The following KIAA1671 variants were observed in gnomAD, a reference collection of about 807,000 sequenced individuals.
KIAA1671 encodes KIAA1671.
A neutral mutation model predicts 131.2 loss-of-function variants in KIAA1671; 52 were observed. The observed-to-expected ratio is 0.40, with a 90% CI of 0.32 to 0.50. KIAA1671 has a LOEUF of 0.50. Ranked by LOEUF, KIAA1671 falls within the 20% of genes least tolerant of loss-of-function variation. The pLI is 0.73. For synonymous variants in KIAA1671, 1,003 were observed against 961.6 expected, an observed-to-expected ratio of 1.04 and a Z score of -0.80; for missense variants, 2,360 against 2,364.2, an observed-to-expected ratio of 1.00 and a Z score of 0.04.
At chr22:25,035,361 C>T (rs1438523740) in intron 4 of KIAA1671, among the ~76,000 whole-genome samples, 1 of 152,098 alleles carries the variant, frequency 6.6e-6, no homozygotes, top group African/African-American at 2.4e-5. Context: ...CTTCTATTTT[C>T]TTTTCTCTTG....
At chr22:25,078,200 G>A (rs937657932) in intron 6 of KIAA1671, among the ~76,000 whole-genome samples, 11 of 152,134 alleles carry the variant, frequency 7.2e-5, no homozygotes, top group Non-Finnish European at 1.5e-5. Flanking sequence ...TCAGCCCTTG[G>A]CCCAGTGCCT....
At chr22:25,151,782 G>A (rs1229598139) in intron 6 of KIAA1671, among the ~76,000 whole-genome samples, 2 of 151,690 alleles carry the variant, frequency 1.3e-5, no homozygotes, top group South Asian at 2.1e-4. Context: ...TCTGTTGCCC[G>A]GGCAGGAGTG....
intron 6 of KIAA1671, among the ~76,000 whole-genome samples, chr22:25,168,050 C>T (rs1933704131): frequency 6.6e-6 from 1 of 152,188 alleles, no homozygotes; most frequent in Non-Finnish European, 1.5e-5. Flanking sequence ...ACTCATTCTG[C>T]AGGACCACAT....
chr22:25,147,313 C>G (rs555916465), intron 6 of KIAA1671, among the ~76,000 whole-genome samples: 2 of 152,150 alleles, frequency 1.3e-5, no homozygotes, highest in Admixed American at 6.5e-5. Context: ...CTGCCTCAGC[C>G]TCCTGAGTAG....
intron 6 of KIAA1671, among the ~76,000 whole-genome samples, chr22:25,117,597 A>ACACACG (rs1555880497): frequency 1.4e-5 from 2 of 148,096 alleles, no homozygotes; most frequent in African/African-American, 5.0e-5. Context: ...ACACACACAC[A>ACACACG]CACACACACA....
Position 25,009,488 on chromosome 22 carries a change from C to T in KIAA1671, c.-207-16145C>T, listed in dbSNP as rs147943096. On this transcript the variant is annotated intron_variant, in intron 1 of 12. Transcript: ENST00000358431. ...CTATGTTGGCCAGGCTGGTCTCGAA[C>T]TCCTGACCTCAGGTGATCTTCCTGC... is the stretch of plus-strand genomic sequence containing the variant. Among the ~76,000 whole-genome samples the T allele has an allele frequency of 4.0e-3, 610 of 151,762 alleles. 4 individuals are homozygous for T. Among genetic ancestry groups the T allele is most frequent in the African/African-American group, 0.014 (570 of 41,398 alleles).
chr22:25,029,964 T>A (rs1926188279), intron 3 of KIAA1671, among the ~76,000 whole-genome samples: 1 of 152,208 alleles, frequency 6.6e-6, no homozygotes, highest in Non-Finnish European at 1.5e-5. Context: ...TAAGCCTTTA[T>A]GAGTGGCCCA....
chr22:25,067,258 C>T (rs139694881), intron 6 of KIAA1671, among the ~76,000 whole-genome samples: 154 of 151,412 alleles, frequency 1.0e-3, no homozygotes, highest in Non-Finnish European at 1.4e-3. Flanking sequence ...ACCTTGGACT[C>T]GCCGGGTCTT....
chr22:25,059,373 C>T (rs55806517), intron 6 of KIAA1671: 68,779 of 151,468 alleles, frequency 0.45, 16,968 homozygotes, highest in African/African-American at 0.66. Flanking sequence ...TCTCAGCTAC[C>T]TGGGAGGCTG....
intron 1 of KIAA1671, among the ~76,000 whole-genome samples, chr22:24,983,044 A>G (rs905209537): frequency 6.6e-6 from 1 of 152,124 alleles, no homozygotes; most frequent in African/African-American, 2.4e-5. Context: ...TGGGGGCTAC[A>G]GGGAACCCTG....
chr22:25,028,750 A>G lies in KIAA1671; in HGVS notation c.751A>G (p.Ile251Val), dbSNP rs1172802714. 1 of 1,551,268 alleles carries G rather than the reference A, an allele frequency of 6.4e-7. No individual in the cohort carries two copies. Among genetic ancestry groups the G allele is most frequent in the Non-Finnish European group, 8.7e-7 (1 of 1,147,002 alleles). ...CGTGTCTGCCATTTTCACGGAGTCC[A>G]TTCAGCCTCAGAAGCCAGGCCCCGG... ...RPVSAIFTES[I>V]QPQKPGPGAA... Residue 251 changes from isoleucine to valine, a missense_variant, in exon 3 of 13, where the codon ATT becomes GTT. Ile to Val is a conservative substitution (Grantham distance 29). This residue lies in a region of KIAA1671 where 1,185 missense variants were observed against 1,126.2 expected (regional missense o/e 1.05). Coordinates refer to ENST00000358431, the MANE Select transcript of KIAA1671 (RefSeq NM_001145206.2).
chr22:25,027,714 T>C (rs1184047780), intron 2 of KIAA1671, among the ~76,000 whole-genome samples: 2 of 152,186 alleles, frequency 1.3e-5, no homozygotes, highest in African/African-American at 2.4e-5. Context: ...ATGCCTTTTC[T>C]ACACCCTTGG....
At position 25,093,682 on chromosome 22, in the gene KIAA1671, GACACACACACACACACACACACACACAC is replaced by G. The variant is rs67802603; in HGVS notation, c.4530+44347_4530+44374del. Among the ~76,000 whole-genome samples the G allele has an allele frequency of 1.0e-3, 52 of 49,950 alleles. 2 individuals are homozygous for G. The highest frequency in any genetic ancestry group is 1.8e-3 in the Admixed American group (8 of 4,352). The allele number at this position is 49,950 out of a possible 152,430, so 32.8% of individuals were successfully genotyped here. A position where few individuals can be genotyped will look rare whatever the true frequency, so the allele number is the denominator to read the frequency against. On this transcript the variant is annotated intron_variant, in intron 6 of 12. Coordinates refer to ENST00000358431, the MANE Select transcript of KIAA1671 (RefSeq NM_001145206.2). ...GGTACCGGGATCTTCCCTGCCCCCCGACACACACACACACACACACACACACACACACACACACACACACACACACACA... is the reference window on the plus strand; with the variant it reads ...GGTACCGGGATCTTCCCTGCCCCCCGACACACACACACACACACACACACA...
At chr22:25,016,496 C>T (rs962387967) in intron 1 of KIAA1671, among the ~76,000 whole-genome samples, 1 of 152,194 alleles carries the variant, frequency 6.6e-6, no homozygotes, top group African/African-American at 2.4e-5. Flanking sequence ...GGAAATTTAG[C>T]AAACCTGCTC....
intron 6 of KIAA1671, among the ~76,000 whole-genome samples, chr22:25,158,311 A>C (rs950779467): frequency 1.2e-4 from 18 of 152,102 alleles, no homozygotes; most frequent in African/African-American, 4.3e-4. Flanking sequence ...ATCCATCTTC[A>C]CTTGCTTCCT....
At chr22:24,955,457 G>C (rs1921643540) in intron 1 of KIAA1671, among the ~76,000 whole-genome samples, 1 of 152,158 alleles carries the variant, frequency 6.6e-6, no homozygotes, top group African/African-American at 2.4e-5. Flanking sequence ...GGAAGAGGTT[G>C]GTGTTATGGG....
At chr22:25,010,018 C>T (rs941917896) in intron 1 of KIAA1671, 1 of 152,194 alleles carries the variant, frequency 6.6e-6, no homozygotes, top group Non-Finnish European at 1.5e-5. Context: ...CATGATTCGA[C>T]AGTGGATAAA....
chr22:25,080,256 A>G (rs914315788), intron 6 of KIAA1671, among the ~76,000 whole-genome samples: 1 of 152,134 alleles, frequency 6.6e-6, no homozygotes, highest in Non-Finnish European at 1.5e-5. Context: ...CAGCTGTACA[A>G]TGGGAAGGGT....
chr22:25,162,642 A>C (rs753436964), intron 6 of KIAA1671, among the ~76,000 whole-genome samples: 66 of 152,336 alleles, frequency 4.3e-4, no homozygotes, highest in Non-Finnish European at 7.9e-4. Flanking sequence ...GTGTTGTTCT[A>C]AGTGCTGGGG....
Sources: gnomAD v4.1 joint callset for allele counts (sites outside exome capture counted in the v4.1 genomes callset) on GRCh38, gnomAD v4.1.1 for gene constraint, gnomAD v4.1.1 regional missense constraint, MANE v1.5 for transcripts, NCBI Gene and HGNC (gene_info 2026-07-23, HGNC 2026-07-21) for gene names.